POTEF: variants seen among roughly 807,000 people sequenced by gnomAD.
POTEF encodes POTE ankyrin domain family member F.
In POTEF, 20 loss-of-function variants were observed where a neutral mutation model predicts 83.2. The ratio of observed to expected loss-of-function variants is 0.24; its 90% confidence interval spans 0.17 to 0.35. The LOEUF is 0.35. Ranked by LOEUF, POTEF falls within the 10% of genes least tolerant of loss-of-function variation. POTEF has a pLI of 1.00. For synonymous variants in POTEF, 196 were observed against 446.4 expected (o/e 0.44, Z 7.07); for missense variants, 550 against 1,203.2 (o/e 0.46, Z 8.03).
chr2:130,075,370 A>G lies in POTEF; in HGVS notation c.2102T>C (p.Met701Thr), dbSNP rs759283285. Residue 701 changes from methionine (M) to threonine (T), a missense_variant, in exon 17 of 17, where the codon ATG becomes ACG. Coordinates refer to ENST00000409914, the MANE Select transcript of POTEF (RefSeq NM_001099771.2). ...GACGAGCACAGCGGTATCATCATCCATGGTGAGCTCATTCAATTGTAGAGC... is the reference window on the plus strand; with the variant it reads ...GACGAGCACAGCGGTATCATCATCCGTGGTGAGCTCATTCAATTGTAGAGC... Reference protein sequence around the residue: ...LKALQLNELTMDDDTAVLVID... With the variant: ...LKALQLNELTTDDDTAVLVID... The G allele has an allele frequency of 5.0e-6, 8 of 1,612,168 alleles. No homozygotes were observed. Among genetic ancestry groups the G allele is most frequent in the African/African-American group, 1.3e-5 (1 of 74,836 alleles).
intron 8 of POTEF, among the ~76,000 whole-genome samples, chr2:130,103,632 T>C (rs1424804497): frequency 1.3e-5 from 2 of 150,248 alleles, no homozygotes; most frequent in African/African-American, 2.5e-5. Context: ...CTCAGAAATT[T>C]CTTATTGAGT....
chr2:130,075,327 G>A lies in POTEF; in HGVS notation c.2145C>T (p.Gly715=). Residue 715 remains glycine, a synonymous_variant, in exon 17 of 17, where the codon GGC becomes GGT. Transcript: ENST00000409914. ...CGCCCGCAAAGCCGGCCTTGCACAT[G>A]CCAGAGCCGTTGTCAATGACGAGCA... ...TAVLVIDNGS[G]MCKAGFAGDD... 1 of 1,612,662 alleles carries A rather than the reference G, an allele frequency of 6.2e-7. No individual in the cohort carries two copies. Among genetic ancestry groups the A allele is most frequent in the Non-Finnish European group, 8.5e-7 (1 of 1,179,836 alleles).
chr2:130,117,461 G>C (rs1684871965), intron 3 of POTEF, among the ~76,000 whole-genome samples: 2 of 151,914 alleles, frequency 1.3e-5, no homozygotes, highest in South Asian at 2.1e-4. Flanking sequence ...ATAAGAGAAA[G>C]GGAAAAACTT....
In POTEF at chr2:130,075,464, G is replaced by A. The variant is rs762597806; in HGVS notation, c.2008C>T (p.Gln670Ter). 5.6e-6 allele frequency: 9 copies of A among 1,611,060 alleles called. No individual in the cohort carries two copies. The highest frequency in any genetic ancestry group is 1.7e-5 in the Admixed American group (1 of 59,890). Residue 670 changes from glutamine to a stop codon, truncating the protein, a stop_gained, in exon 17 of 17, where the codon CAG (glutamine) becomes TAG (stop). Coordinates refer to ENST00000409914, the MANE Select transcript of POTEF (RefSeq NM_001099771.2). LOFTEE classifies it high-confidence loss of function. ...TCCAAATATTTCTTTTCTCTTAGCT[G>A]GCTCTGATGTTTCATTGTGTCTAGC... The part of the protein sequence containing the change: ...LELDTMKHQS[Q>*]LREKKYLEDI...
In POTEF at chr2:130,075,576, A is replaced by G; in HGVS notation, c.1900-4T>C. On this transcript the variant is annotated splice_region_variant and splice_polypyrimidine_tract_variant and intron_variant, in intron 16 of 16. Coordinates refer to ENST00000409914, the MANE Select transcript of POTEF (RefSeq NM_001099771.2). ...CTTTCTTACAACTAAGAGAAAGCTA[A>G]GTAAACAAAGAGAACTTTTAGTTAG... The G allele has an allele frequency of 6.2e-7, 1 of 1,608,504 alleles. No homozygotes were observed. Among genetic ancestry groups the G allele is most frequent in the South Asian group, 1.1e-5 (1 of 90,412 alleles).
At chr2:130,107,929 T>G in intron 8 of POTEF, 80 bp downstream of exon 8, 1 of 1,559,850 alleles carries the variant, frequency 6.4e-7, no homozygotes, top group Non-Finnish European at 8.7e-7. Context: ...CATGGAAAAA[T>G]TGTCTTCCAC....
chr2:130,113,124 G>A (rs1156994678), intron 5 of POTEF, among the ~76,000 whole-genome samples: 2 of 136,486 alleles, frequency 1.5e-5, no homozygotes, highest in African/African-American at 3.0e-5. Flanking sequence ...GCTCACACCT[G>A]TAATCCTAGC....
intron 11 of POTEF, among the ~76,000 whole-genome samples, chr2:130,095,036 T>G (rs1684211596): frequency 9.2e-6 from 1 of 108,798 alleles, no homozygotes; most frequent in Non-Finnish European, 2.0e-5. Context: ...TTTTTTTTTT[T>G]TTTTTTTTTG....
At chr2:130,128,611 G>A (rs1284607953) in intron 1 of POTEF, among the ~76,000 whole-genome samples, 2 of 142,908 alleles carry the variant, frequency 1.4e-5, no homozygotes, top group African/African-American at 5.2e-5. Context: ...ACCTGACCCA[G>A]CCACAGGTGT....
intron 2 of POTEF, among the ~76,000 whole-genome samples, chr2:130,121,964 T>C (rs1213975122): frequency 6.6e-6 from 1 of 151,330 alleles, no homozygotes; most frequent in African/African-American, 2.4e-5. Context: ...TTCCCCATTC[T>C]TCCTTTAAAC....
chr2:130,098,146 T>C (rs2104797464), intron 11 of POTEF, among the ~76,000 whole-genome samples: 1 of 82,700 alleles, frequency 1.2e-5, no homozygotes, highest in Non-Finnish European at 2.3e-5. Flanking sequence ...CAGTGAGCCA[T>C]GATCACACAA....
In POTEF at chr2:130,075,454, T is replaced by C; in HGVS notation, c.2018A>G (p.Glu673Gly). 6.2e-7 allele frequency: 1 copy of C among 1,611,446 alleles called. No homozygotes were observed. Among genetic ancestry groups the C allele is most frequent in the Non-Finnish European group, 8.5e-7 (1 of 1,179,638 alleles). ...DTMKHQSQLREKKYLEDIESV... is the reference protein window; with the variant it reads ...DTMKHQSQLRGKKYLEDIESV... The stretch of plus-strand genomic sequence containing the variant: ...TTCAATATCCTCCAAATATTTCTTT[T>C]CTCTTAGCTGGCTCTGATGTTTCAT... The change falls in exon 17 of 17, where the codon GAA (glutamate) becomes GGA (glycine). Residue 673 changes from glutamate to glycine, a missense_variant. Physicochemically the swap from Glu to Gly is moderately conservative, Grantham distance 98. Transcript: ENST00000409914.
Position 130,074,018 on chromosome 2 carries a change from G to A in POTEF, c.*226C>T. ...GAATGACTATTGAAAAGAAGAACAA[G>A]GTACAATCAAAGTCCTTGGCCACAT... On this transcript the variant is annotated 3_prime_UTR_variant, in exon 17 of 17. Coordinates refer to ENST00000409914, the MANE Select transcript of POTEF (RefSeq NM_001099771.2). 2 of 956,282 alleles carry A rather than the reference G, an allele frequency of 2.1e-6. No homozygotes were observed. Among genetic ancestry groups the A allele is most frequent in the Non-Finnish European group, 1.5e-6 (1 of 654,566 alleles). 59.2% of individuals were successfully genotyped at this position (956,282 alleles called of 1,614,324 possible). A position where few individuals can be genotyped will look rare whatever the true frequency, so the allele number is the denominator to read the frequency against.
chr2:130,116,919 C>A (rs1684860737), intron 3 of POTEF, among the ~76,000 whole-genome samples: 1 of 92,112 alleles, frequency 1.1e-5, no homozygotes, highest in South Asian at 3.1e-4. Flanking sequence ...CTTGCTCAAG[C>A]CCAGCAGATA....
At position 130,102,143 on chromosome 2, in the gene POTEF, T is replaced by C. The variant is rs376119873; in HGVS notation, c.1164A>G (p.Gln388=). ...DLKLTSEEES[Q]RFKGSENSQP... ...GGCTATTTTCACTGCCTTTGAACCT[T>C]TGTGACTCTTCCTCTGATGTCAGCT... Residue 388 remains glutamine (Q), a synonymous_variant, in exon 9 of 17, where the codon CAA becomes CAG. Coordinates refer to ENST00000409914, the MANE Select transcript of POTEF (RefSeq NM_001099771.2). The C allele has an allele frequency of 3.7e-6, 6 of 1,604,280 alleles. No individual in the cohort carries two copies. Among genetic ancestry groups the C allele is most frequent in the East Asian group, 4.5e-5 (2 of 44,742 alleles).
rs1382807410 is a variant in POTEF, at chr2:130,128,082, C to T, written c.-249-218G>A. Among the ~76,000 whole-genome samples the T allele has an allele frequency of 6.3e-4, 93 of 146,544 alleles. 1 individual carries two copies. The highest frequency in any genetic ancestry group is 2.0e-3 in the Admixed American group (30 of 14,652). ...ACTGGCCAGAAATTGCTGGGCCCACCAGGGCTGCACTCCTTGGGGAGCAGG... is the reference window on the plus strand; with the variant it reads ...ACTGGCCAGAAATTGCTGGGCCCACTAGGGCTGCACTCCTTGGGGAGCAGG... On this transcript the variant is annotated intron_variant, in intron 1 of 16. Coordinates refer to ENST00000409914, the MANE Select transcript of POTEF (RefSeq NM_001099771.2).
chr2:130,114,583 T>C (rs997323714), intron 5 of POTEF, among the ~76,000 whole-genome samples: 4 of 145,770 alleles, frequency 2.7e-5, no homozygotes, highest in African/African-American at 5.1e-5. Flanking sequence ...TTACATTCAA[T>C]AGGGAAAAAA....
chr2:130,078,316 G>T (rs1458190526), intron 15 of POTEF, among the ~76,000 whole-genome samples: 1 of 90,572 alleles, frequency 1.1e-5, no homozygotes, highest in Non-Finnish European at 2.4e-5. Context: ...CAACCAAGCT[G>T]AGAGTTCATA....
intron 2 of POTEF, among the ~76,000 whole-genome samples, chr2:130,125,935 C>T (rs1291457833): frequency 6.6e-6 from 1 of 151,428 alleles, no homozygotes; most frequent in Non-Finnish European, 1.5e-5. Context: ...ACACAATTCT[C>T]CCGACTTCCT....
Sources: allele counts gnomAD v4.1 joint callset (sites outside exome capture counted in the v4.1 genomes callset), GRCh38; gene constraint gnomAD v4.1.1; transcripts MANE v1.5; gene names NCBI Gene and HGNC (gene_info 2026-07-23, HGNC 2026-07-21).